Variants in STIM2 observed in about 807,000 individuals in gnomAD.
STIM2 encodes stromal interaction molecule 2.
STIM2 carries 31 observed loss-of-function variants against 85.8 expected under a neutral mutation model. The observed-to-expected ratio is 0.36, with a 90% confidence interval of 0.27 to 0.49. The LOEUF (loss-of-function observed/expected upper bound fraction) is 0.49. Ranked by LOEUF, STIM2 falls within the 20% of genes least tolerant of loss-of-function variation. The pLI is 0.98. For missense variants in STIM2, 841 were observed against 927.6 expected (o/e 0.91, Z 1.21); for synonymous variants, 356 against 331.1 (o/e 1.08, Z -0.82).
Position 26,939,072 on chromosome 4 carries a change from A to G in STIM2, c.283-18540A>G, listed in dbSNP as rs1314737575. Among the ~76,000 whole-genome samples the G allele has an allele frequency of 2.0e-5, 3 of 152,180 alleles. No individual in the cohort carries two copies. The East Asian group carries it at 5.8e-4, about 29-fold the overall frequency. On this transcript the variant is annotated intron_variant, in intron 2 of 11. Coordinates refer to ENST00000467087, the MANE Select transcript of STIM2 (RefSeq NM_020860.4). The stretch of plus-strand genomic sequence containing the variant: ...CTTCTGGGTATTTAGTTCATTTACT[A>G]GGACCTCATACCCTGCTTGTTCCCT...
In STIM2 at chr4:26,994,659, G is replaced by A. The variant is rs543225015; in HGVS notation, c.398-720G>A. ...AGAAAACTGTCCAGAGTTCTTGAAA[G>A]CCTTTCATGACCTAGCTCCTCTCTG... On this transcript the variant is annotated intron_variant, in intron 3 of 11. Transcript: ENST00000467087. 2.0e-5 allele frequency among the ~76,000 whole-genome samples: 3 copies of A among 152,184 alleles called. No homozygotes were observed. The East Asian group carries it at 5.8e-4, about 29-fold the overall frequency.
chr4:27,004,063 C>T lies in STIM2; in HGVS notation c.981+959C>T, dbSNP rs1041089462. Among the ~76,000 whole-genome samples, 7 of 152,146 alleles carry T rather than the reference C, an allele frequency of 4.6e-5. No individual in the cohort carries two copies. The South Asian group carries it at 6.2e-4, about 14-fold the overall frequency. ...TGTTCTGCCTCCACTTTGTTTTATGCGCTGTTGCTGCCTTCTTAATAGAGT... is the reference window on the plus strand; with the variant it reads ...TGTTCTGCCTCCACTTTGTTTTATGTGCTGTTGCTGCCTTCTTAATAGAGT... On this transcript the variant is annotated intron_variant, in intron 7 of 11. Coordinates refer to ENST00000467087, the MANE Select transcript of STIM2 (RefSeq NM_020860.4).
At chr4:27,019,235 T>A (rs1396338675) in intron 11 of STIM2, among the ~76,000 whole-genome samples, 1 of 152,228 alleles carries the variant, frequency 6.6e-6, no homozygotes, top group Non-Finnish European at 1.5e-5. Context: ...CATTTTTCAT[T>A]CATAATTATC....
intron 3 of STIM2, among the ~76,000 whole-genome samples, chr4:26,958,010 C>T (rs533679410): frequency 5.9e-5 from 9 of 152,150 alleles, no homozygotes; most frequent in East Asian, 3.9e-4. Context: ...TCAGCTATTA[C>T]GTGACATTAT....
At chr4:27,014,176 G>C (rs1728653188) in intron 10 of STIM2, among the ~76,000 whole-genome samples, 1 of 151,532 alleles carries the variant, frequency 6.6e-6, no homozygotes, top group Admixed American at 6.6e-5. Flanking sequence ...TGTTTGTTTT[G>C]TTAATATTGT....
At chr4:26,885,651 A>G (rs1158759735) in intron 1 of STIM2, among the ~76,000 whole-genome samples, 1 of 151,122 alleles carries the variant, frequency 6.6e-6, no homozygotes, top group Non-Finnish European at 1.5e-5. Flanking sequence ...ATTTCTGACT[A>G]TTTTTTCAGG....
At chr4:26,989,154 C>G (rs1045036216) in intron 3 of STIM2, among the ~76,000 whole-genome samples, 1 of 152,128 alleles carries the variant, frequency 6.6e-6, no homozygotes, top group Non-Finnish European at 1.5e-5. Context: ...AGGCTGGTCT[C>G]GAACTCCTGT....
intron 3 of STIM2, among the ~76,000 whole-genome samples, chr4:26,987,520 C>T (rs1264721260): frequency 2.6e-5 from 4 of 152,136 alleles, no homozygotes; most frequent in Non-Finnish European, 4.4e-5. Context: ...CCTGGAATTT[C>T]GATTCCATAC....
chr4:26,889,684 C>G (rs927109659), intron 1 of STIM2, among the ~76,000 whole-genome samples: 1 of 152,124 alleles, frequency 6.6e-6, no homozygotes, highest in Non-Finnish European at 1.5e-5. Flanking sequence ...GTAGCCAGGT[C>G]GGCCTTGGTA....
Position 26,965,550 on chromosome 4 carries a change from A to G in STIM2, c.397+7824A>G, listed in dbSNP as rs151132805. On this transcript the variant is annotated intron_variant, in intron 3 of 11. Transcript: ENST00000467087. ...GCTGATTGCTCTTAATCATGATCTT[A>G]TGTTAGCATTTTAGTGTCTCTATTC... Among the ~76,000 whole-genome samples the G allele has an allele frequency of 3.4e-4, 51 of 152,174 alleles. 1 individual carries two copies. The East Asian group carries it at 9.6e-3, about 29-fold the overall frequency.
chr4:27,021,341 A>G, intron 11 of STIM2: 1 of 401,930 alleles, frequency 2.5e-6, no homozygotes, highest in Non-Finnish European at 4.8e-6. Flanking sequence ...AAAAGGAAAG[A>G]GAATGCTGTT....
intron 3 of STIM2, among the ~76,000 whole-genome samples, chr4:26,985,271 A>G (rs1039979573): frequency 1.3e-5 from 2 of 152,190 alleles, no homozygotes; most frequent in Non-Finnish European, 2.9e-5. Context: ...TTTCTTTTAT[A>G]TTAGTTTAAA....
chr4:26,966,058 A>T (rs1406092904), intron 3 of STIM2, among the ~76,000 whole-genome samples: 1 of 152,042 alleles, frequency 6.6e-6, no homozygotes, highest in African/African-American at 2.4e-5. Context: ...TTTTCTATAC[A>T]CCTGAATTCT....
chr4:26,872,941 CTG>C (rs1290697142), intron 1 of STIM2, among the ~76,000 whole-genome samples: 1 of 152,110 alleles, frequency 6.6e-6, no homozygotes, highest in African/African-American at 2.4e-5. Context: ...TGGACAAAGA[CTG>C]TGAGGCAAGA....
chr4:26,904,860 C>G (rs537058482), intron 1 of STIM2, among the ~76,000 whole-genome samples: 1 of 150,762 alleles, frequency 6.6e-6, no homozygotes, highest in Non-Finnish European at 1.5e-5. Context: ...TGAATTAGTT[C>G]CTGGAGTGAT....
intron 7 of STIM2, among the ~76,000 whole-genome samples, chr4:27,004,618 T>C (rs983680783): frequency 1.3e-5 from 2 of 151,966 alleles, no homozygotes; most frequent in African/African-American, 4.8e-5. Context: ...GAAGAGACAA[T>C]ATAAAAAAAG....
At chr4:26,980,279 A>C (rs1455257694) in intron 3 of STIM2, among the ~76,000 whole-genome samples, 4 of 152,246 alleles carry the variant, frequency 2.6e-5, no homozygotes, top group South Asian at 2.1e-4. Context: ...AAAACAAATA[A>C]TCATTACTTC....
chr4:27,008,352 C>A, intron 8 of STIM2, 76 bp from the exon 9 acceptor site: 1 of 845,968 alleles, frequency 1.2e-6, no homozygotes, highest in Non-Finnish European at 1.8e-6. Flanking sequence ...CCAAAACAAA[C>A]TTTATTATGT....
intron 3 of STIM2, among the ~76,000 whole-genome samples, chr4:26,992,224 C>T (rs1727792800): frequency 6.6e-6 from 1 of 152,070 alleles, no homozygotes; most frequent in Non-Finnish European, 1.5e-5. Flanking sequence ...TTTCATAAGA[C>T]TTATTAATTA....
Sources: allele counts gnomAD v4.1 joint callset (sites outside exome capture counted in the v4.1 genomes callset), GRCh38; gene constraint gnomAD v4.1.1; transcripts MANE v1.5; gene names NCBI Gene and HGNC (gene_info 2026-07-23, HGNC 2026-07-21).